Variants in ARHGAP15 observed in about 807,000 individuals in gnomAD.
ARHGAP15 encodes the protein Rho GTPase activating protein 15, also known as rho GTPase-activating protein 15.
Under a neutral mutation model 63.7 loss-of-function variants are expected in ARHGAP15, and 51 were observed. That is an observed-to-expected ratio of 0.80 (90% CI 0.64 to 1.01). The LOEUF (loss-of-function observed/expected upper bound fraction) is 1.01, where lower values mean the gene tolerates loss of function less well. Ranked by LOEUF, ARHGAP15 falls within the 50% of genes least tolerant of loss-of-function variation. The probability of loss-of-function intolerance (pLI) is 0.00; values close to 1 mark genes in which losing one functional copy is unlikely to be tolerated. For synonymous variants in ARHGAP15, 191 were observed against 193.8 expected (o/e 0.99, Z 0.12); for missense variants, 560 against 564.6 (o/e 0.99, Z 0.08).
intron 13 of ARHGAP15, among the ~76,000 whole-genome samples, chr2:143,733,532 A>G (rs748488636): frequency 2.4e-4 from 36 of 152,182 alleles, no homozygotes; most frequent in Non-Finnish European, 4.4e-4. Context: ...CTGTGCCTTC[A>G]GTTACTGATT....
chr2:143,508,626 T>C (rs1003520478), intron 9 of ARHGAP15, among the ~76,000 whole-genome samples: 2 of 152,206 alleles, frequency 1.3e-5, no homozygotes, highest in East Asian at 1.9e-4. Flanking sequence ...CATGTGTGTA[T>C]GTGTGTGATG....
chr2:143,767,352 A>G (rs2072954970), intron 13 of ARHGAP15, among the ~76,000 whole-genome samples: 2 of 152,184 alleles, frequency 1.3e-5, no homozygotes, highest in African/African-American at 2.4e-5. Context: ...AAGCAAATAC[A>G]TATTTGATTC....
chr2:143,662,897 A>G (rs1681907801), intron 12 of ARHGAP15, among the ~76,000 whole-genome samples: 1 of 144,370 alleles, frequency 6.9e-6, no homozygotes, highest in Non-Finnish European at 1.5e-5. Context: ...CAAAGCCTCC[A>G]AGAAATATGG....
chr2:143,582,641 G>C (rs1377373210), intron 11 of ARHGAP15, among the ~76,000 whole-genome samples: 1 of 152,202 alleles, frequency 6.6e-6, no homozygotes, highest in Non-Finnish European at 1.5e-5. Context: ...CCTTCAGAAA[G>C]TCTGTGTGGG....
intron 2 of ARHGAP15, among the ~76,000 whole-genome samples, chr2:143,175,287 A>G (rs537081646): frequency 3.7e-4 from 57 of 152,304 alleles, no homozygotes; most frequent in Admixed American, 1.5e-3. Flanking sequence ...CTATTAAAAT[A>G]TTAACCAAAG....
intron 12 of ARHGAP15, among the ~76,000 whole-genome samples, chr2:143,672,997 CAA>C (rs1369878218): frequency 4.6e-5 from 7 of 151,870 alleles, no homozygotes; most frequent in Admixed American, 3.9e-4. Flanking sequence ...AAATTGGACA[CAA>C]TATAAGAGGC....
Position 143,372,011 on chromosome 2 carries a change from GAAATAAATAAATAAAT to G in ARHGAP15, c.475-63568_475-63553del, listed in dbSNP as rs10530096. ...ACTACCTGTTCCCCACGAGCCTATGGAAATAAATAAATAAATAAATAAATAAATAAATAAATAGGAC... is the reference window on the plus strand; with the variant it reads ...ACTACCTGTTCCCCACGAGCCTATGGAAATAAATAAATAAATAAATAGGAC... On this transcript the variant is annotated intron_variant, in intron 6 of 13. Coordinates refer to ENST00000295095, the MANE Select transcript of ARHGAP15 (RefSeq NM_018460.4). 1.6e-3 allele frequency among the ~76,000 whole-genome samples: 242 copies of G among 148,018 alleles called. 1 individual carries two copies. The highest frequency in any genetic ancestry group is 4.1e-3 in the South Asian group (19 of 4,580).
intron 12 of ARHGAP15, among the ~76,000 whole-genome samples, chr2:143,698,988 T>G (rs576818463): frequency 6.6e-6 from 1 of 152,314 alleles, no homozygotes; most frequent in Non-Finnish European, 1.5e-5. Context: ...TAGAAAATGC[T>G]GTCTTTCAGA....
chr2:143,487,494 A>T lies in ARHGAP15; in HGVS notation c.825A>T (p.Lys275Asn). The part of the protein sequence containing the change: ...LKTLQEKGLI[K>N]DQIFGSHLHK... The stretch of plus-strand genomic sequence containing the variant: ...CTCTGCAAGAAAAAGGACTTATTAA[A>T]GGTACAGGTCATTTTATACTTGTAC... Residue 275 changes from lysine to asparagine, a missense_variant and splice_region_variant, in exon 9 of 14, where the codon AAA (lysine) becomes AAT (asparagine). Lys to Asn is a moderately conservative substitution (Grantham distance 94). Transcript: ENST00000295095. 6.2e-7 allele frequency: 1 copy of T among 1,612,410 alleles called. No individual in the cohort carries two copies. Among genetic ancestry groups the T allele is most frequent in the Non-Finnish European group, 8.5e-7 (1 of 1,179,456 alleles).
intron 12 of ARHGAP15, among the ~76,000 whole-genome samples, chr2:143,679,748 A>G (rs1325967729): frequency 6.6e-6 from 1 of 151,824 alleles, no homozygotes; most frequent in African/African-American, 2.4e-5. Context: ...TCGTCCTCGA[A>G]GCTGTTTTTC....
chr2:143,347,636 A>G (rs964013185), intron 6 of ARHGAP15, among the ~76,000 whole-genome samples: 1 of 152,102 alleles, frequency 6.6e-6, no homozygotes, highest in Non-Finnish European at 1.5e-5. Flanking sequence ...ATTTATATAG[A>G]ACATTTACGT....
At chr2:143,153,843 T>TTCTTCCTCTTCC (rs1689957969) in intron 1 of ARHGAP15, among the ~76,000 whole-genome samples, 11 of 86,892 alleles carry the variant, frequency 1.3e-4, no homozygotes, top group South Asian at 4.8e-4. Context: ...CTTCTTCTTC[T>TTCTTCCTCTTCC]TCCTCCTCCT....
At chr2:143,532,555 G>A (rs1038301368) in intron 10 of ARHGAP15, among the ~76,000 whole-genome samples, 1 of 152,106 alleles carries the variant, frequency 6.6e-6, no homozygotes, top group African/African-American at 2.4e-5. Flanking sequence ...AAAGGGGAAA[G>A]TTATTAGGAT....
At chr2:143,393,461 CG>C (rs1171087521) in intron 6 of ARHGAP15, among the ~76,000 whole-genome samples, 6 of 151,930 alleles carry the variant, frequency 3.9e-5, no homozygotes, top group African/African-American at 1.4e-4. Context: ...GAGCTGGGCA[CG>C]GTGGCTCATG....
In ARHGAP15 at chr2:143,628,264, G is replaced by A. The variant is rs561461092; in HGVS notation, c.1138+3997G>A. ...AGGTTGATTCCATATCTTTGCTATCGTGAATAGTGTTGCGATGAACATGCA... is the reference window on the plus strand; with the variant it reads ...AGGTTGATTCCATATCTTTGCTATCATGAATAGTGTTGCGATGAACATGCA... On this transcript the variant is annotated intron_variant, in intron 12 of 13. Transcript: ENST00000295095. Among the ~76,000 whole-genome samples the A allele has an allele frequency of 1.4e-4, 21 of 152,234 alleles. No individual in the cohort carries two copies. In the East Asian group the frequency reaches 2.9e-3, roughly 21 times the overall value.
chr2:143,688,618 T>C (rs1459971791), intron 12 of ARHGAP15, among the ~76,000 whole-genome samples: 1 of 152,220 alleles, frequency 6.6e-6, no homozygotes, highest in Non-Finnish European at 1.5e-5. Flanking sequence ...TTAGTAGAAT[T>C]ACATAAGCCT....
At chr2:143,357,478 GA>G (rs1195442790) in intron 6 of ARHGAP15, among the ~76,000 whole-genome samples, 1 of 152,040 alleles carries the variant, frequency 6.6e-6, no homozygotes, top group Non-Finnish European at 1.5e-5. Context: ...CTTGAGAACT[GA>G]AAAATATTCT....
chr2:143,304,054 C>T (rs1469948904), intron 6 of ARHGAP15, among the ~76,000 whole-genome samples: 1 of 152,106 alleles, frequency 6.6e-6, no homozygotes, highest in Non-Finnish European at 1.5e-5. Flanking sequence ...GGCGATTCCT[C>T]AAGGATCTAC....
intron 6 of ARHGAP15, among the ~76,000 whole-genome samples, chr2:143,413,966 T>TGTGCACGCGCGC: frequency 1.7e-5 from 2 of 117,910 alleles, no homozygotes; most frequent in Non-Finnish European, 3.4e-5. Context: ...TGTGTGTGTG[T>TGTGCACGCGCGC]GCGCGCTCTC....
Sources: allele counts gnomAD v4.1 joint callset (sites outside exome capture counted in the v4.1 genomes callset), GRCh38; gene constraint gnomAD v4.1.1; transcripts MANE v1.5; gene names NCBI Gene and HGNC (gene_info 2026-07-23, HGNC 2026-07-21).